The following MAVS variants were observed in gnomAD, a reference collection of about 807,000 sequenced individuals.
MAVS encodes mitochondrial antiviral signaling protein, also known as mitochondrial antiviral-signaling protein.
Under a neutral mutation model 30.2 loss-of-function variants are expected in MAVS, and 20 were observed. That is an observed-to-expected ratio of 0.66 (90% CI 0.47 to 0.96). MAVS has a LOEUF of 0.96. Ranked by LOEUF, MAVS falls within the 40% of genes least tolerant of loss-of-function variation. MAVS has a pLI of 0.00. For missense variants in MAVS, 624 were observed against 701.1 expected (o/e 0.89, Z 1.24); for synonymous variants, 278 against 293.9 (o/e 0.95, Z 0.55).
At position 3,861,351 on chromosome 20, in the gene MAVS, A is replaced by G; in HGVS notation, c.312A>G (p.Pro104=). 1.2e-6 allele frequency: 2 copies of G among 1,613,702 alleles called. No homozygotes were observed. Among genetic ancestry groups the G allele is most frequent in the South Asian group, 1.1e-5 (1 of 91,052 alleles). Reference sequence around the variant, plus strand: ...CTCTAGGGACCTCGGACCGTCCCCCAGACCCACTGGAGCCACCGTCACTTC... The same window carrying G: ...CTCTAGGGACCTCGGACCGTCCCCCGGACCCACTGGAGCCACCGTCACTTC... ...SYQPRTSDRP[P]DPLEPPSLPA... is the part of the protein sequence containing the mutation. The change falls in exon 4 of 7, where the codon CCA becomes CCG. Residue 104 remains proline (P), a synonymous_variant. Transcript: ENST00000428216.
chr20:3,871,018 T>A lies in MAVS; in HGVS notation c.*4871T>A, dbSNP rs1009791701. ...GCTTCAGCCTCTCAAGTAGCTGGGA[T>A]TACAGATGCCCGCCACCACACCTGG... On this transcript the variant is annotated 3_prime_UTR_variant, in exon 7 of 7. Transcript: ENST00000428216. The A allele has an allele frequency of 9.8e-5, 15 of 152,452 alleles. No homozygotes were observed. The highest frequency in any genetic ancestry group is 3.6e-4 in the African/African-American group (15 of 41,416). The allele number at this position is 152,452 out of a possible 1,614,324, so 9.4% of individuals were successfully genotyped here.
chr20:3,856,507 A>G (rs929877007), intron 2 of MAVS, among the ~76,000 whole-genome samples: 1 of 151,598 alleles, frequency 6.6e-6, no homozygotes, highest in African/African-American at 2.4e-5. Context: ...ATATGCTACC[A>G]CACCCGGCTA....
chr20:3,847,621 C>T (rs112483687), intron 1 of MAVS, among the ~76,000 whole-genome samples: 2 of 152,314 alleles, frequency 1.3e-5, no homozygotes, highest in African/African-American at 2.4e-5. Flanking sequence ...GGACAGCCAG[C>T]GACCTGGGAC....
Position 3,866,769 on chromosome 20 carries a change from G to T in MAVS, c.*622G>T. The T allele has an allele frequency of 2.6e-6, 1 of 390,368 alleles. No homozygotes were observed. Among genetic ancestry groups the T allele is most frequent in the Middle Eastern group, 4.2e-4 (1 of 2,386 alleles). 24.2% of individuals were successfully genotyped at this position (390,368 alleles called of 1,614,324 possible). A position where few individuals can be genotyped will look rare whatever the true frequency, so the allele number is the denominator to read the frequency against. ...TTCCTGTGGACCTCAGGGAAGCCAG[G>T]GGCAGCTGTCAGGCCTGAGGAAGAC... is the stretch of plus-strand genomic sequence containing the variant. On this transcript the variant is annotated 3_prime_UTR_variant, in exon 7 of 7. Coordinates refer to ENST00000428216, the MANE Select transcript of MAVS (RefSeq NM_020746.5).
At chr20:3,864,914 CTCCTT>C in intron 6 of MAVS, 126 bp downstream of exon 6, 6 of 1,170,420 alleles carry the variant, frequency 5.1e-6, no homozygotes, top group Non-Finnish European at 7.2e-6. Context: ...TCTGTGGCCT[CTCCTT>C]GAGGGCATAC....
In MAVS at chr20:3,861,441, A is replaced by G; in HGVS notation, c.402A>G (p.Arg134=). The change falls in exon 4 of 7, where the codon AGA becomes AGG. Residue 134 remains arginine (R), a synonymous_variant. Transcript: ENST00000428216. ...AAHSIPYNSC[R]EKEPSYPMPV... ...ACAGCATCCCCTACAACAGCTGCAGAGAGAAGGAGCCAAGTTACCCCATGC... is the reference window on the plus strand; with the variant it reads ...ACAGCATCCCCTACAACAGCTGCAGGGAGAAGGAGCCAAGTTACCCCATGC... 1 of 1,614,068 alleles carries G rather than the reference A, an allele frequency of 6.2e-7. No individual in the cohort carries two copies. The highest frequency in any genetic ancestry group is 8.5e-7 in the Non-Finnish European group (1 of 1,180,014).
intron 4 of MAVS, 54 bp downstream of exon 4, chr20:3,861,558 C>A (rs1054801904): frequency 3.2e-6 from 5 of 1,569,644 alleles, no homozygotes; most frequent in South Asian, 1.1e-5. Flanking sequence ...TATCTGCCCA[C>A]TTCTGCCCAT....
intron 2 of MAVS, among the ~76,000 whole-genome samples, chr20:3,856,270 T>C (rs2089809317): frequency 1.3e-5 from 2 of 151,760 alleles, no homozygotes; most frequent in Non-Finnish European, 2.9e-5. Context: ...TAGCCAGGAT[T>C]GTCTCGATCT....
In MAVS at chr20:3,861,387, G is replaced by T. The variant is rs2089865902; in HGVS notation, c.348G>T (p.Arg116Ser). ...PLEPPSLPAE[R>S]PGPPTPAAAH... ...AGCCACCGTCACTTCCTGCTGAGAG[G>T]CCAGGGCCCCCCACACCTGCTGCGG... is the stretch of plus-strand genomic sequence containing the variant. Residue 116 changes from arginine (R) to serine (S), a missense_variant, in exon 4 of 7, where the codon AGG (arginine) becomes AGT (serine). By Grantham distance (110) the Arg-to-Ser change is moderately radical (BLOSUM62 -1). Transcript: ENST00000428216. 1 of 1,613,938 alleles carries T rather than the reference G, an allele frequency of 6.2e-7. No homozygotes were observed. The highest frequency in any genetic ancestry group is 8.5e-7 in the Non-Finnish European group (1 of 1,180,008).
rs2089912727 is a variant in MAVS, at chr20:3,866,862, T to C, written c.*715T>C. 2 of 457,338 alleles carry C rather than the reference T, an allele frequency of 4.4e-6. No homozygotes were observed. Among genetic ancestry groups the C allele is most frequent in the African/African-American group, 4.0e-5 (2 of 50,070 alleles). The allele number at this position is 457,338 out of a possible 1,614,324, so 28.3% of individuals were successfully genotyped here. ...TCTCCATTCTCTTCAGCTCCCTACA[T>C]GGGCTGGGGAGGAGACACCTGGTGG... is the stretch of plus-strand genomic sequence containing the variant. On this transcript the variant is annotated 3_prime_UTR_variant, in exon 7 of 7. Transcript: ENST00000428216.
chr20:3,858,664 C>CAAA lies in MAVS; in HGVS notation c.292+870_292+872dup, dbSNP rs1286736257. Among the ~76,000 whole-genome samples, 30 of 64,610 alleles carry CAAA rather than the reference C, an allele frequency of 4.6e-4. 1 individual carries two copies. Among genetic ancestry groups the CAAA allele is most frequent in the African/African-American group, 7.3e-4 (13 of 17,814 alleles). The allele number at this position is 64,610 out of a possible 152,430, so 42.4% of individuals were successfully genotyped here. Reference sequence around the variant, plus strand: ...TGGGCGACAGAGTGGGATTCCATCTCAAAAAAAAAAAAAAAAAGACATGGG... The same window carrying CAAA: ...TGGGCGACAGAGTGGGATTCCATCTCAAAAAAAAAAAAAAAAAAAAGACATGGG... On this transcript the variant is annotated intron_variant, in intron 3 of 6. Transcript: ENST00000428216.
In MAVS at chr20:3,866,169, C is replaced by T; in HGVS notation, c.*22C>T. On this transcript the variant is annotated 3_prime_UTR_variant, in exon 7 of 7. Transcript: ENST00000428216. ...CTAGTGAAGCCCTGGGCTCTTCCCA[C>T]CACCCATCTGTTCCGTTCCTGCAGT... 6.5e-7 allele frequency: 1 copy of T among 1,549,770 alleles called. No individual in the cohort carries two copies. The highest frequency in any genetic ancestry group is 8.7e-7 in the Non-Finnish European group (1 of 1,151,254).
Position 3,865,310 on chromosome 20 carries a change from A to G in MAVS, c.1159-373A>G, listed in dbSNP as rs1209785915. Among the ~76,000 whole-genome samples, 2 of 152,158 alleles carry G rather than the reference A, an allele frequency of 1.3e-5. No homozygotes were observed. Among genetic ancestry groups the G allele is most frequent in the Non-Finnish European group, 2.9e-5 (2 of 68,024 alleles). ...CCCTAGCTGCGGCTGTCTGCTGGGA[A>G]GAGCCAAGTCCATAGGGCCCTTTGG... On this transcript the variant is annotated intron_variant, in intron 6 of 6. Coordinates refer to ENST00000428216, the MANE Select transcript of MAVS (RefSeq NM_020746.5). This position sits in a 1 kb window ranked among gnomAD's most constrained non-coding sequence, Gnocchi z 4.7.
chr20:3,858,626 C>T (rs1438580419), intron 3 of MAVS, among the ~76,000 whole-genome samples: 3 of 147,402 alleles, frequency 2.0e-5, no homozygotes, highest in African/African-American at 7.5e-5. Context: ...GATCGCGCCA[C>T]TGCACTCCAG....
Position 3,874,929 on chromosome 20 carries a change from G to A in MAVS, c.*8782G>A, listed in dbSNP as rs1600463086. The A allele has an allele frequency of 6.6e-6, 1 of 152,366 alleles. No homozygotes were observed. The highest frequency in any genetic ancestry group is 1.5e-5 in the Non-Finnish European group (1 of 68,070). The allele number at this position is 152,366 out of a possible 1,614,324, so 9.4% of individuals were successfully genotyped here. A position where few individuals can be genotyped will look rare whatever the true frequency, so the allele number is the denominator to read the frequency against. On this transcript the variant is annotated 3_prime_UTR_variant, in exon 7 of 7. Coordinates refer to ENST00000428216, the MANE Select transcript of MAVS (RefSeq NM_020746.5). The stretch of plus-strand genomic sequence containing the variant: ...CCTAGGGTCAGTGGCGCCTGCCTGT[G>A]AGGGTGAGCCCAATGGCTAGAGGGC...
At chr20:3,859,164 CT>C (rs1312160714) in intron 3 of MAVS, among the ~76,000 whole-genome samples, 4 of 151,328 alleles carry the variant, frequency 2.6e-5, no homozygotes, top group Non-Finnish European at 5.9e-5. Context: ...CTCTTCCTTC[CT>C]TTTTTTCCTT....
rs776553120 is a variant in MAVS at position 3,866,156 on chromosome 20, T to C, written c.*9T>C. 1.3e-6 allele frequency: 2 copies of C among 1,564,612 alleles called. No homozygotes were observed. The highest frequency in any genetic ancestry group is 1.1e-5 in the South Asian group (1 of 87,094). ...GGCGGCGTCTGCACTAGTGAAGCCC[T>C]GGGCTCTTCCCACCACCCATCTGTT... On this transcript the variant is annotated 3_prime_UTR_variant, in exon 7 of 7. Transcript: ENST00000428216.
intron 5 of MAVS, among the ~76,000 whole-genome samples, chr20:3,862,716 A>G (rs1177536876): frequency 6.6e-6 from 1 of 152,164 alleles, no homozygotes; most frequent in Non-Finnish European, 1.5e-5. Context: ...TCTTGGCTGA[A>G]TTTCCTCTCA....
chr20:3,866,185 T>G lies in MAVS; in HGVS notation c.*38T>G. 1 of 1,518,922 alleles carries G rather than the reference T, an allele frequency of 6.6e-7. No individual in the cohort carries two copies. The highest frequency in any genetic ancestry group is 8.8e-7 in the Non-Finnish European group (1 of 1,134,396). 94.1% of individuals were successfully genotyped at this position (1,518,922 alleles called of 1,614,324 possible). On this transcript the variant is annotated 3_prime_UTR_variant, in exon 7 of 7. Coordinates refer to ENST00000428216, the MANE Select transcript of MAVS (RefSeq NM_020746.5). ...CTCTTCCCACCACCCATCTGTTCCG[T>G]TCCTGCAGTACACCTGGCCCCTCTC... is the stretch of plus-strand genomic sequence containing the variant.
Sources: allele counts gnomAD v4.1 joint callset (sites outside exome capture counted in the v4.1 genomes callset), GRCh38; gene constraint gnomAD v4.1.1; non-coding constraint Gnocchi (gnomAD v3.1); transcripts MANE v1.5; gene names NCBI Gene and HGNC (gene_info 2026-07-23, HGNC 2026-07-21).